Variants in NALF1 observed in about 807,000 individuals in gnomAD.
NALF1 encodes the protein NALCN channel auxiliary factor 1, also known as family with sequence similarity 155 member A.
Under a neutral mutation model 48.4 loss-of-function variants are expected in NALF1, and 3 were observed. The ratio of observed to expected loss-of-function variants is 0.06; its 90% CI spans 0.03 to 0.16. NALF1 has a LOEUF of 0.16. Among genes scored for constraint, NALF1 ranks in the 10% least tolerant of loss-of-function variants. NALF1 has a pLI of 1.00. For synonymous variants in NALF1, 262 were observed against 245.7 expected (o/e 1.07, Z -0.62); for missense variants, 526 against 571.5 (o/e 0.92, Z 0.81).
intron 1 of NALF1, among the ~76,000 whole-genome samples, chr13:107,818,121 G>A (rs1307764981): frequency 2.0e-5 from 3 of 152,102 alleles, no homozygotes; most frequent in Non-Finnish European, 4.4e-5. Context: ...GGTATATGAT[G>A]GCATCGGAGG....
At chr13:107,793,669 A>T (rs1260039130) in intron 1 of NALF1, among the ~76,000 whole-genome samples, 1 of 152,140 alleles carries the variant, frequency 6.6e-6, no homozygotes, top group Admixed American at 6.5e-5. Context: ...TGTCATTAAC[A>T]TGTCATAAGT....
At chr13:107,813,057 C>T (rs1186141266) in intron 1 of NALF1, among the ~76,000 whole-genome samples, 1 of 152,042 alleles carries the variant, frequency 6.6e-6, no homozygotes, top group Non-Finnish European at 1.5e-5. Context: ...GCCTGGATAA[C>T]ATTATTATGA....
chr13:107,698,246 A>G (rs1157753008), intron 1 of NALF1, among the ~76,000 whole-genome samples: 1 of 152,182 alleles, frequency 6.6e-6, no homozygotes, highest in East Asian at 1.9e-4. Context: ...ATCTTTGGGC[A>G]TATGTAGTTC....
At position 107,829,245 on chromosome 13, in the gene NALF1, T is replaced by C. The variant is rs916867273; in HGVS notation, c.915+36437A>G. On this transcript the variant is annotated intron_variant, in intron 1 of 2. Transcript: ENST00000375915. The stretch of plus-strand genomic sequence containing the variant: ...AGTATACCCCTACATCCAGCTTCCA[T>C]ATTTGTTCTACACTATACCTAGGAA... 2.0e-5 allele frequency among the ~76,000 whole-genome samples: 3 copies of C among 152,166 alleles called. No homozygotes were observed. In the East Asian group the frequency reaches 5.8e-4, roughly 29 times the overall value.
At chr13:107,314,234 G>A (rs76751862) in intron 1 of NALF1, among the ~76,000 whole-genome samples, 1,892 of 152,138 alleles carry the variant, frequency 0.012, 71 homozygotes, top group East Asian at 0.085. Context: ...AGAACTCTAG[G>A]ATCACTTTCT....
intron 1 of NALF1, among the ~76,000 whole-genome samples, chr13:107,384,624 G>T (rs12429004): frequency 0.14 from 21,709 of 152,064 alleles, 1,978 homozygotes; most frequent in East Asian, 0.2. Flanking sequence ...ACCAGGCAAG[G>T]CATCTTTTTT....
chr13:107,326,513 A>C (rs1882367612), intron 1 of NALF1, among the ~76,000 whole-genome samples: 1 of 152,180 alleles, frequency 6.6e-6, no homozygotes, highest in Non-Finnish European at 1.5e-5. Flanking sequence ...ATTTTATAGC[A>C]ATGAAAACTG....
At chr13:107,442,077 T>C (rs1401707612) in intron 1 of NALF1, among the ~76,000 whole-genome samples, 1 of 152,168 alleles carries the variant, frequency 6.6e-6, no homozygotes, top group African/African-American at 2.4e-5. Flanking sequence ...GGAATATTTC[T>C]GGAGGGTGAG....
chr13:107,375,687 T>C (rs149965115), intron 1 of NALF1, among the ~76,000 whole-genome samples: 1,975 of 152,186 alleles, frequency 0.013, 87 homozygotes, highest in East Asian at 0.043. Context: ...AAAGAGCCAA[T>C]AGAACAAAAA....
Position 107,694,725 on chromosome 13 carries a change from C to A in NALF1, c.915+170957G>T, listed in dbSNP as rs569107652. ...TATTAATACTGCATATATCAAACTTCACTTAGAAAACAGATTTATTTTCCC... is the reference window on the plus strand; with the variant it reads ...TATTAATACTGCATATATCAAACTTAACTTAGAAAACAGATTTATTTTCCC... On this transcript the variant is annotated intron_variant, in intron 1 of 2. Coordinates refer to ENST00000375915, the MANE Select transcript of NALF1 (RefSeq NM_001080396.3). Among the ~76,000 whole-genome samples, 7 of 151,980 alleles carry A rather than the reference C, an allele frequency of 4.6e-5. No individual in the cohort carries two copies. In the South Asian group the frequency reaches 1.5e-3, roughly 32 times the overall value.
At chr13:107,250,770 G>A (rs1202737770) in intron 1 of NALF1, among the ~76,000 whole-genome samples, 3 of 152,126 alleles carry the variant, frequency 2.0e-5, no homozygotes, top group African/African-American at 7.2e-5. Flanking sequence ...AGTGTTGGAG[G>A]AGGGGCCTAG....
intron 1 of NALF1, among the ~76,000 whole-genome samples, chr13:107,406,315 C>T (rs1883898505): frequency 6.6e-6 from 1 of 151,804 alleles, no homozygotes; most frequent in Non-Finnish European, 1.5e-5. Context: ...AAAAAAAGAC[C>T]CAATGATCTG....
intron 1 of NALF1, among the ~76,000 whole-genome samples, chr13:107,300,545 T>C (rs1291615616): frequency 6.6e-6 from 1 of 152,234 alleles, no homozygotes; most frequent in East Asian, 1.9e-4. Flanking sequence ...ACTTGTTTAT[T>C]TATTGCCATT....
At chr13:107,175,421 CT>C (rs1386832237) in intron 2 of NALF1, among the ~76,000 whole-genome samples, 6 of 152,090 alleles carry the variant, frequency 3.9e-5, no homozygotes, top group African/African-American at 7.2e-5. Context: ...CTTCATATTA[CT>C]TTTTCTAAGT....
intron 1 of NALF1, among the ~76,000 whole-genome samples, chr13:107,372,920 C>A (rs1214659129): frequency 6.6e-6 from 1 of 151,864 alleles, no homozygotes; most frequent in Non-Finnish European, 1.5e-5. Context: ...ACTGGGATAG[C>A]AAATACAACT....
rs191764764 is a variant in NALF1, at chr13:107,191,569, G to A, written c.1087+19015C>T. On this transcript the variant is annotated intron_variant, in intron 2 of 2. Transcript: ENST00000375915. ...CTAGAGGCGATGAAGAAGCTGATAT[G>A]TTAGAAGCCGGGGTCCTAGGAGCTT... Among the ~76,000 whole-genome samples the A allele has an allele frequency of 2.6e-3, 396 of 152,276 alleles. 3 individuals are homozygous for A. Among genetic ancestry groups the A allele is most frequent in the Non-Finnish European group, 4.6e-3 (314 of 68,024 alleles).
intron 1 of NALF1, among the ~76,000 whole-genome samples, chr13:107,724,073 A>G (rs1241429070): frequency 1.3e-5 from 2 of 152,182 alleles, no homozygotes; most frequent in African/African-American, 2.4e-5. Flanking sequence ...AAGACGTAAT[A>G]CTGCTTACAA....
intron 1 of NALF1, among the ~76,000 whole-genome samples, chr13:107,507,154 G>A (rs1475503423): frequency 6.6e-6 from 1 of 152,012 alleles, no homozygotes; most frequent in Non-Finnish European, 1.5e-5. Flanking sequence ...TTGTTTTCCA[G>A]GGAGAAAATA....
chr13:107,631,029 C>T (rs181210545), intron 1 of NALF1, among the ~76,000 whole-genome samples: 1 of 152,192 alleles, frequency 6.6e-6, no homozygotes, highest in East Asian at 1.9e-4. Context: ...TATTTAGAGA[C>T]AGGGTTTCCC....
Sources: allele counts gnomAD v4.1 joint callset (sites outside exome capture counted in the v4.1 genomes callset), GRCh38; gene constraint gnomAD v4.1.1; transcripts MANE v1.5; gene names NCBI Gene and HGNC (gene_info 2026-07-23, HGNC 2026-07-21).